ROBO1: variants seen among roughly 807,000 people sequenced by gnomAD.
ROBO1 encodes roundabout homolog 1.
ROBO1 carries 149 observed loss-of-function variants against 195.9 expected under a neutral mutation model. The ratio of observed to expected loss-of-function variants is 0.76; its 90% CI spans 0.67 to 0.87. The LOEUF (loss-of-function observed/expected upper bound fraction) is 0.87. Among genes scored for constraint, ROBO1 ranks in the 40% least tolerant of loss-of-function variants. The pLI is 0.00. For missense variants in ROBO1, 1,933 were observed against 2,068.3 expected (o/e 0.93, Z 1.27); for synonymous variants, 816 against 733.2 (o/e 1.11, Z -1.82).
At chr3:79,478,387 A>ACCCCCCCCC (rs57654273) in intron 2 of ROBO1, among the ~76,000 whole-genome samples, 4 of 137,624 alleles carry the variant, frequency 2.9e-5, no homozygotes, top group African/African-American at 5.5e-5. Flanking sequence ...CTGCAGACCA[A>ACCCCCCCCC]CCCCCCCACC....
At chr3:79,321,561 C>T (rs1424561814) in intron 2 of ROBO1, among the ~76,000 whole-genome samples, 1 of 152,104 alleles carries the variant, frequency 6.6e-6, no homozygotes. Flanking sequence ...TTGCAGACTG[C>T]AATTCAGCAA....
intron 2 of ROBO1, among the ~76,000 whole-genome samples, chr3:79,165,135 A>C (rs991100165): frequency 1.3e-5 from 2 of 152,158 alleles, no homozygotes; most frequent in South Asian, 4.1e-4. Flanking sequence ...TCATCAATGC[A>C]TCCTGAGAGC....
intron 8 of ROBO1, among the ~76,000 whole-genome samples, chr3:78,706,216 T>TA (rs1387185964): frequency 6.6e-6 from 1 of 151,460 alleles, no homozygotes; most frequent in Non-Finnish European, 1.5e-5. Flanking sequence ...AGAATAGGAG[T>TA]AACTAGCAAG....
At chr3:78,688,572 T>C (rs2081100822) in intron 9 of ROBO1, 76 bp downstream of exon 9, 3 of 1,402,800 alleles carry the variant, frequency 2.1e-6, no homozygotes, top group African/African-American at 1.5e-5. Context: ...CTAAGTAATA[T>C]GTTGGTTTTT....
intron 1 of ROBO1, among the ~76,000 whole-genome samples, chr3:79,595,391 C>T (rs1271468671): frequency 2.6e-5 from 4 of 151,948 alleles, no homozygotes; most frequent in African/African-American, 9.7e-5. Context: ...AAGAGAACAC[C>T]TACATTTCCA....
chr3:79,169,820 A>G (rs959286935), intron 2 of ROBO1, among the ~76,000 whole-genome samples: 1 of 152,160 alleles, frequency 6.6e-6, no homozygotes, highest in African/African-American at 2.4e-5. Context: ...TCTTAATACC[A>G]AAAGCATAAT....
chr3:79,240,876 C>G (rs2108879283), intron 2 of ROBO1, among the ~76,000 whole-genome samples: 1 of 152,132 alleles, frequency 6.6e-6, no homozygotes, highest in East Asian at 1.9e-4. Context: ...CTCCTGGGTT[C>G]AAGTGAACCT....
At chr3:79,649,446 T>A (rs1275486739) in intron 1 of ROBO1, among the ~76,000 whole-genome samples, 1 of 152,102 alleles carries the variant, frequency 6.6e-6, no homozygotes, top group African/African-American at 2.4e-5. Flanking sequence ...TTTCTAATAA[T>A]AATTGAATTA....
At chr3:79,198,995 C>G (rs546285264) in intron 2 of ROBO1, among the ~76,000 whole-genome samples, 1 of 152,110 alleles carries the variant, frequency 6.6e-6, no homozygotes, top group East Asian at 1.9e-4. Flanking sequence ...TTGACTTCCT[C>G]TTTTCCTAAT....
At chr3:78,719,208 C>T (rs144157750) in intron 5 of ROBO1, among the ~76,000 whole-genome samples, 90 of 152,266 alleles carry the variant, frequency 5.9e-4, no homozygotes, top group Admixed American at 1.3e-3. Context: ...TTCTATCCCT[C>T]ATAACCAGAA....
chr3:78,821,161 ATTTTTTTTTT>A (rs71631622), intron 4 of ROBO1, among the ~76,000 whole-genome samples: 7 of 122,202 alleles, frequency 5.7e-5, no homozygotes, highest in African/African-American at 1.3e-4. Context: ...TATGATACTG[ATTTTTTTTTT>A]TTTTTTTTTT....
intron 2 of ROBO1, among the ~76,000 whole-genome samples, chr3:79,211,265 CAA>C (rs1384349346): frequency 2.6e-5 from 4 of 151,952 alleles, no homozygotes; most frequent in African/African-American, 7.2e-5. Context: ...TGTTATTTTT[CAA>C]AGTTTTAGAA....
intron 2 of ROBO1, among the ~76,000 whole-genome samples, chr3:79,136,587 A>T (rs2080413499): frequency 6.6e-6 from 1 of 152,150 alleles, no homozygotes; most frequent in Non-Finnish European, 1.5e-5. Flanking sequence ...GGTACTTTAA[A>T]TGGAGTACTG....
intron 17 of ROBO1, 24 bp downstream of exon 17, chr3:78,659,660 AAT>A (rs10662787): frequency 1.5e-3 from 2,040 of 1,316,926 alleles, no homozygotes; most frequent in South Asian, 4.4e-3. Flanking sequence ...TCAGGACATT[AAT>A]ATATATATAT....
chr3:78,999,898 T>C (rs560761717), intron 3 of ROBO1, among the ~76,000 whole-genome samples: 55 of 152,224 alleles, frequency 3.6e-4, no homozygotes, highest in Admixed American at 9.8e-4. Context: ...TTCATTAATA[T>C]TTAGTTCAAA....
At chr3:78,747,780 T>G (rs902516502) in intron 4 of ROBO1, among the ~76,000 whole-genome samples, 1 of 152,296 alleles carries the variant, frequency 6.6e-6, no homozygotes, top group South Asian at 2.1e-4. Flanking sequence ...GAATTAAATG[T>G]GGAAAAGAAA....
At position 78,768,970 on chromosome 3, in the gene ROBO1, C is replaced by A. The variant is rs11922305; in HGVS notation, c.500-22070G>T. Among the ~76,000 whole-genome samples the A allele has an allele frequency of 1.6e-3, 236 of 151,958 alleles. 1 individual carries two copies. The highest frequency in any genetic ancestry group is 0.014 in the Middle Eastern group (4 of 294). ...TGATGATTTCCAATTTATTGAGGCT[C>A]GTTTTATAGCCTATCATATGGTCTG... On this transcript the variant is annotated intron_variant, in intron 4 of 30. Transcript: ENST00000464233.
intron 5 of ROBO1, among the ~76,000 whole-genome samples, chr3:78,731,909 T>C (rs1235491115): frequency 6.6e-6 from 1 of 152,140 alleles, no homozygotes; most frequent in East Asian, 1.9e-4. Flanking sequence ...AATGTGCCAA[T>C]GTATTTAAGC....
chr3:79,619,863 T>C (rs1429113607), intron 1 of ROBO1, among the ~76,000 whole-genome samples: 1 of 152,112 alleles, frequency 6.6e-6, no homozygotes, highest in Non-Finnish European at 1.5e-5. Flanking sequence ...GGTCCAAAAA[T>C]TGGATTCCAG....
Sources: gnomAD v4.1 joint callset for allele counts (sites outside exome capture counted in the v4.1 genomes callset) on GRCh38, gnomAD v4.1.1 for gene constraint, MANE v1.5 for transcripts, NCBI Gene and HGNC (gene_info 2026-07-23, HGNC 2026-07-21) for gene names.